Variants in RP1 observed in about 807,000 individuals in gnomAD.
The protein encoded by RP1 is oxygen-regulated protein 1.
Under a neutral mutation model 14.8 loss-of-function variants are expected in RP1, and 16 were observed. The ratio of observed to expected loss-of-function variants is 1.08; its 90% CI spans 0.73 to 1.65. The LOEUF (loss-of-function observed/expected upper bound fraction) is 1.65. Ranked by LOEUF, RP1 falls within the 40% of genes most tolerant of loss-of-function variation. The probability of loss-of-function intolerance (pLI) is 0.00; values close to 1 mark genes in which losing one functional copy is unlikely to be tolerated. For synonymous variants in RP1, 876 were observed against 883.6 expected (o/e 0.99, Z 0.15); for missense variants, 2,631 against 2,535.0 (o/e 1.04, Z -0.81).
chr8:54,653,424 A>G (rs562639241), intron 5 of RP1, among the ~76,000 whole-genome samples: 1 of 152,306 alleles, frequency 6.6e-6, no homozygotes, highest in South Asian at 2.1e-4. Flanking sequence ...AATTTTATAT[A>G]TGGTGTATTT....
At chr8:54,652,954 G>C in intron 5 of RP1, 1 of 868,736 alleles carries the variant, frequency 1.2e-6, no homozygotes, top group East Asian at 2.7e-5. Context: ...ATAATGAGTT[G>C]ATAGAGTCCT....
rs960753129 is a variant in RP1 at position 54,787,020 on chromosome 8, AC to A, written c.3615+3313del. 8.3e-4 allele frequency among the ~76,000 whole-genome samples: 127 copies of A among 152,148 alleles called. 2 individuals carry two copies. Among genetic ancestry groups the A allele is most frequent in the Non-Finnish European group, 1.6e-4 (11 of 67,990 alleles). On this transcript the variant is annotated intron_variant, in intron 24 of 28. Coordinates refer to the RP1 transcript ENST00000637698. ...GAAGGGTAACTGTAATATTCTCCTG[AC>A]CCAGTCATAGGCCTTGAAGAGGAAC...
chr8:54,686,892 C>T (rs983358694), intron 12 of RP1, among the ~76,000 whole-genome samples: 3 of 152,014 alleles, frequency 2.0e-5, no homozygotes, highest in Non-Finnish European at 4.4e-5. Flanking sequence ...ATAATTGATT[C>T]ATGCTACTAA....
At chr8:54,734,619 A>G in exon 18 of RP1, 1 of 1,535,770 alleles carries the variant, frequency 6.5e-7, no homozygotes, top group Non-Finnish European at 8.7e-7. Flanking sequence ...GCTGACAGGA[A>G]ATACAGGAAC....
downstream of RP1, chr8:54,630,933 C>A: frequency 3.2e-6 from 2 of 617,128 alleles, no homozygotes; most frequent in Non-Finnish European, 4.1e-6. Flanking sequence ...ACTAGACTAT[C>A]AAGTATCAAT....
exon 13 of RP1, chr8:54,699,547 G>A (rs1322235929): frequency 1.4e-6 from 2 of 1,393,484 alleles, no homozygotes; most frequent in Middle Eastern, 1.8e-4. Context: ...TCTTGCTCTT[G>A]ACAATGGCAT....
At chr8:54,726,107 G>A (rs770696165) in intron 16 of RP1, among the ~76,000 whole-genome samples, 11 of 152,058 alleles carry the variant, frequency 7.2e-5, no homozygotes, top group Non-Finnish European at 1.2e-4. Context: ...GTTAACTATC[G>A]TTCGGATTTG....
At chr8:54,609,184 A>G (rs1805531511) in intron 1 of RP1, among the ~76,000 whole-genome samples, 1 of 152,132 alleles carries the variant, frequency 6.6e-6, no homozygotes, top group Non-Finnish European at 1.5e-5. Context: ...GCCAGCCTGC[A>G]TTGGGTGCTG....
intron 2 of RP1, 112 bp from the exon 3 acceptor site, chr8:54,622,005 G>A (rs1805893878): frequency 9.5e-7 from 1 of 1,055,718 alleles, no homozygotes. Flanking sequence ...AATGCTCAGT[G>A]ATGATGTCTT....
chr8:54,808,478 G>A (rs771648219), intron 24 of RP1, among the ~76,000 whole-genome samples: 1 of 152,152 alleles, frequency 6.6e-6, no homozygotes, highest in Non-Finnish European at 1.5e-5. Flanking sequence ...TTAATACTGA[G>A]GTTGCTAGCA....
intron 24 of RP1, among the ~76,000 whole-genome samples, chr8:54,819,366 A>C (rs551050695): frequency 5.3e-5 from 8 of 151,984 alleles, no homozygotes; most frequent in Admixed American, 4.6e-4. Flanking sequence ...AATTCCTTCT[A>C]TCAGTTATCT....
chr8:54,612,757 G>T (rs1358532696), upstream of RP1, among the ~76,000 whole-genome samples: 1 of 152,160 alleles, frequency 6.6e-6, no homozygotes, highest in Admixed American at 6.5e-5. Flanking sequence ...AGCCACACTG[G>T]TCTTCTTATA....
intron 9 of RP1, among the ~76,000 whole-genome samples, chr8:54,678,735 A>G (rs1333964672): frequency 6.6e-6 from 1 of 152,184 alleles, no homozygotes; most frequent in Non-Finnish European, 1.5e-5. Flanking sequence ...TAATGATAGA[A>G]ATTTAATATT....
intron 24 of RP1, among the ~76,000 whole-genome samples, chr8:54,810,969 AG>A (rs1810977940): frequency 6.6e-6 from 1 of 152,236 alleles, no homozygotes; most frequent in African/African-American, 2.4e-5. Context: ...GGCCAAACCC[AG>A]GGTGGTGATT....
chr8:54,633,733 C>A (rs375945576), downstream of RP1, among the ~76,000 whole-genome samples: 6,170 of 129,468 alleles, frequency 0.048, 141 homozygotes, highest in South Asian at 0.06. Context: ...CTCTCTCTCT[C>A]TCTCTATATA....
At chr8:54,579,594 C>T (rs952111492) in intron 1 of RP1, among the ~76,000 whole-genome samples, 3 of 152,136 alleles carry the variant, frequency 2.0e-5, no homozygotes, top group African/African-American at 4.8e-5. Flanking sequence ...CCTTATGACA[C>T]GTGATCCTGT....
rs1409365924 is a variant in RP1, at chr8:54,755,541, C to G, written c.2942-78C>G. 2.2e-6 allele frequency: 3 copies of G among 1,394,926 alleles called. No individual in the cohort carries two copies. The Admixed American group carries it at 6.2e-5, about 29-fold the overall frequency. The allele number at this position is 1,394,926 out of a possible 1,614,324, so 86.4% of individuals were successfully genotyped here. On this transcript the variant is annotated intron_variant, in intron 20 of 22. Transcript: ENST00000636932. The stretch of plus-strand genomic sequence containing the variant: ...TCTTTTTTTACTATAGCCTGAAAAC[C>G]TATGGATCTGGGTTCTGTTTGTATG...
In RP1 at chr8:54,626,939, C is replaced by T. The variant is rs781714087; in HGVS notation, c.3057C>T (p.Pro1019=). 3 of 1,613,858 alleles carry T rather than the reference C, an allele frequency of 1.9e-6. No individual in the cohort carries two copies. The highest frequency in any genetic ancestry group is 1.7e-5 in the Admixed American group (1 of 60,008). ...CTCTGAATGATGCTTATTTGGTTCCCCTGCATGAACACTGTACTTTGTCAC... is the reference window on the plus strand; with the variant it reads ...CTCTGAATGATGCTTATTTGGTTCCTCTGCATGAACACTGTACTTTGTCAC... ...VGSLNDAYLV[P]LHEHCTLSQS... is the part of the protein sequence containing the mutation. The change falls in exon 4 of 4, where the codon CCC becomes CCT. Residue 1019 remains proline (P), a synonymous_variant. Coordinates refer to ENST00000220676, the MANE Select transcript of RP1 (RefSeq NM_006269.2).
intron 1 of RP1, among the ~76,000 whole-genome samples, chr8:54,574,418 G>A (rs1480674872): frequency 6.6e-6 from 1 of 152,124 alleles, no homozygotes; most frequent in Non-Finnish European, 1.5e-5. Context: ...AGGAAGGGGA[G>A]CATGGCACGG....
Sources: allele counts gnomAD v4.1 joint callset (sites outside exome capture counted in the v4.1 genomes callset), GRCh38; gene constraint gnomAD v4.1.1; transcripts MANE v1.5; gene names NCBI Gene and HGNC (gene_info 2026-07-23, HGNC 2026-07-21).